The following IRF2 variants were observed in gnomAD, a reference collection of about 807,000 sequenced individuals.
IRF2 encodes interferon regulatory factor 2.
Under a neutral mutation model 40.6 loss-of-function variants are expected in IRF2, and 15 were observed. The observed-to-expected ratio is 0.37, with a 90% CI of 0.25 to 0.57. IRF2 has a LOEUF of 0.57. Among genes scored for constraint, IRF2 ranks in the 20% least tolerant of loss-of-function variants. The pLI is 0.77. For missense variants in IRF2, 317 were observed against 455.7 expected (o/e 0.70, Z 2.77); for synonymous variants, 151 against 165.5 (o/e 0.91, Z 0.67).
intron 7 of IRF2, among the ~76,000 whole-genome samples, chr4:184,393,749 T>G (rs1264871174): frequency 6.6e-6 from 1 of 152,030 alleles, no homozygotes; most frequent in East Asian, 1.9e-4. Context: ...ATTAGGACAC[T>G]GACAGTTTCA....
intron 1 of IRF2, among the ~76,000 whole-genome samples, chr4:184,435,951 A>G (rs1281729563): frequency 6.6e-6 from 1 of 151,210 alleles, no homozygotes; most frequent in African/African-American, 2.4e-5. Context: ...TTATCTCTGG[A>G]GCTTTTCTTT....
intron 6 of IRF2, 140 bp from the exon 7 acceptor site, chr4:184,399,219 C>T (rs1004878505): frequency 1.2e-5 from 10 of 828,216 alleles, no homozygotes; most frequent in Non-Finnish European, 1.8e-5. Context: ...GGCTGAAGAA[C>T]ACGCCTGAGC....
intron 1 of IRF2, among the ~76,000 whole-genome samples, chr4:184,454,759 A>T (rs1462066223): frequency 6.6e-6 from 1 of 152,166 alleles, no homozygotes; most frequent in African/African-American, 2.4e-5. Flanking sequence ...ACCACTCACA[A>T]CCTTCAACTT....
intron 7 of IRF2, among the ~76,000 whole-genome samples, chr4:184,391,960 A>G (rs1173155176): frequency 6.6e-6 from 1 of 152,256 alleles, no homozygotes; most frequent in African/African-American, 2.4e-5. Context: ...CCTGGCACAC[A>G]GCACACACTC....
At chr4:184,446,769 C>T (rs57659057) in intron 1 of IRF2, among the ~76,000 whole-genome samples, 9 of 151,888 alleles carry the variant, frequency 5.9e-5, no homozygotes, top group South Asian at 2.1e-4. Context: ...CCGGCTAACA[C>T]GGTGAAACCC....
At chr4:184,411,311 G>A (rs535921070) in intron 5 of IRF2, among the ~76,000 whole-genome samples, 30 of 151,986 alleles carry the variant, frequency 2.0e-4, no homozygotes, top group African/African-American at 4.8e-4. Flanking sequence ...TGCCCACCTC[G>A]GCCTCCCAAA....
chr4:184,418,844 T>C (rs1322471739), intron 3 of IRF2, 136 bp from the exon 4 acceptor site: 2 of 711,314 alleles, frequency 2.8e-6, no homozygotes, highest in Non-Finnish European at 4.6e-6. Flanking sequence ...CAGTGACCAA[T>C]CGTCCTGGTG....
intron 1 of IRF2, among the ~76,000 whole-genome samples, chr4:184,446,339 G>A (rs902945190): frequency 6.6e-6 from 1 of 152,232 alleles, no homozygotes; most frequent in Non-Finnish European, 1.5e-5. Context: ...CTGTTAGGGT[G>A]GCTGGGGCAG....
intron 6 of IRF2, chr4:184,407,377 C>G: frequency 2.0e-6 from 1 of 510,118 alleles, no homozygotes; most frequent in South Asian, 1.9e-5. Flanking sequence ...TCCTGTGCAT[C>G]TGGCCATACA....
At chr4:184,398,697 C>A (rs1320813986) in intron 7 of IRF2, among the ~76,000 whole-genome samples, 1 of 151,840 alleles carries the variant, frequency 6.6e-6, no homozygotes, top group Admixed American at 6.6e-5. Flanking sequence ...AATGTCATGG[C>A]CAACTGAGTA....
At chr4:184,427,471 T>C (rs979165364) in intron 2 of IRF2, among the ~76,000 whole-genome samples, 4 of 152,204 alleles carry the variant, frequency 2.6e-5, no homozygotes, top group Admixed American at 6.5e-5. Flanking sequence ...CTGGGCAACA[T>C]AGTGAAACCC....
In IRF2 at chr4:184,439,989, G is replaced by A. The variant is rs117003426; in HGVS notation, c.-6-10919C>T. Reference sequence around the variant, plus strand: ...CAAGCCTTAAAAATACATGCAGTGTGTTAACGTTCACCCAGATGTGTACTT... The same window carrying A: ...CAAGCCTTAAAAATACATGCAGTGTATTAACGTTCACCCAGATGTGTACTT... On this transcript the variant is annotated intron_variant, in intron 1 of 8. Coordinates refer to ENST00000393593, the MANE Select transcript of IRF2 (RefSeq NM_002199.4). Among the ~76,000 whole-genome samples, 3 of 152,354 alleles carry A rather than the reference G, an allele frequency of 2.0e-5. No homozygotes were observed. The East Asian group carries it at 5.8e-4, about 29-fold the overall frequency.
chr4:184,426,641 C>T (rs1737683897), intron 2 of IRF2, among the ~76,000 whole-genome samples: 1 of 152,182 alleles, frequency 6.6e-6, no homozygotes, highest in Non-Finnish European at 1.5e-5. Context: ...ACTACAGCAC[C>T]AAGAAGGGAC....
At chr4:184,443,470 A>G (rs1262933020) in intron 1 of IRF2, among the ~76,000 whole-genome samples, 1 of 152,054 alleles carries the variant, frequency 6.6e-6, no homozygotes. Context: ...ATGTGGTAGT[A>G]TTTGGTTTTC....
chr4:184,404,857 G>A (rs1736794003), intron 6 of IRF2, among the ~76,000 whole-genome samples: 1 of 152,224 alleles, frequency 6.6e-6, no homozygotes, highest in Non-Finnish European at 1.5e-5. Context: ...GAGGAGGCAA[G>A]AGTGGGACAG....
intron 1 of IRF2, among the ~76,000 whole-genome samples, chr4:184,445,368 A>C (rs547585908): frequency 6.6e-6 from 1 of 152,258 alleles, no homozygotes; most frequent in Admixed American, 6.5e-5. Context: ...AAATAAGAAC[A>C]ATAGGCCAGG....
At chr4:184,441,961 A>G (rs907530248) in intron 1 of IRF2, among the ~76,000 whole-genome samples, 1 of 152,130 alleles carries the variant, frequency 6.6e-6, no homozygotes, top group African/African-American at 2.4e-5. Context: ...CAGGCAGGCC[A>G]AACTGGGGTT....
chr4:184,420,769 C>T (rs1315666418), intron 2 of IRF2, among the ~76,000 whole-genome samples: 2 of 152,214 alleles, frequency 1.3e-5, no homozygotes, highest in Admixed American at 6.5e-5. Flanking sequence ...TTTTGTCTTC[C>T]TCCCACAGCC....
At chr4:184,441,288 C>G (rs1738294299) in intron 1 of IRF2, among the ~76,000 whole-genome samples, 1 of 152,232 alleles carries the variant, frequency 6.6e-6, no homozygotes, top group Non-Finnish European at 1.5e-5. Flanking sequence ...TGTTATTTAT[C>G]AGGGCAGTCA....
Sources: allele counts gnomAD v4.1 joint callset (sites outside exome capture counted in the v4.1 genomes callset), GRCh38; gene constraint gnomAD v4.1.1; transcripts MANE v1.5; gene names NCBI Gene and HGNC (gene_info 2026-07-23, HGNC 2026-07-21).